Variants in CNTNAP5 observed in about 807,000 individuals in gnomAD.
CNTNAP5 encodes contactin associated protein family member 5.
In CNTNAP5, 72 loss-of-function variants were observed where a neutral mutation model predicts 150.2. The ratio of observed to expected loss-of-function variants is 0.48; its 90% CI spans 0.40 to 0.58. The LOEUF (loss-of-function observed/expected upper bound fraction) is 0.58. Among genes scored for constraint, CNTNAP5 ranks in the 20% least tolerant of loss-of-function variants. The probability of loss-of-function intolerance (pLI) is 0.00; values close to 1 mark genes in which losing one functional copy is unlikely to be tolerated. For synonymous variants in CNTNAP5, 672 were observed against 619.8 expected (o/e 1.08, Z -1.25); for missense variants, 1,636 against 1,626.2 (o/e 1.01, Z -0.10).
intron 16 of CNTNAP5, among the ~76,000 whole-genome samples, chr2:124,769,740 C>T (rs571062044): frequency 1.3e-5 from 2 of 152,148 alleles, no homozygotes; most frequent in Admixed American, 6.5e-5. Flanking sequence ...GAGGTTTTAT[C>T]GCAGGAATAA....
rs144314344 is a variant in CNTNAP5, at chr2:124,479,853, C to T, written c.1062+4971C>T. 1.1e-3 allele frequency among the ~76,000 whole-genome samples: 171 copies of T among 152,172 alleles called. 2 individuals carry two copies. The South Asian group carries it at 0.011, about 10-fold the overall frequency. On this transcript the variant is annotated intron_variant, in intron 7 of 23. Transcript: ENST00000682447. ...CAGCTATGGGATCTTGAGAAAGTTA[C>T]GAAACTTCAGTACCCTCATACATAA... is the stretch of plus-strand genomic sequence containing the variant.
At chr2:124,548,872 G>A (rs920093835) in intron 10 of CNTNAP5, among the ~76,000 whole-genome samples, 1 of 152,174 alleles carries the variant, frequency 6.6e-6, no homozygotes, top group African/African-American at 2.4e-5. Flanking sequence ...CACAGAGCTA[G>A]AAACTGGAGG....
At chr2:124,629,956 C>T (rs1177486308) in intron 12 of CNTNAP5, among the ~76,000 whole-genome samples, 1 of 66,928 alleles carries the variant, frequency 1.5e-5, no homozygotes, top group East Asian at 3.2e-4. Context: ...AAAAAAAAAA[C>T]TGGAAAACCT....
chr2:124,124,478 GA>G (rs1241110913), intron 1 of CNTNAP5, among the ~76,000 whole-genome samples: 2 of 152,142 alleles, frequency 1.3e-5, no homozygotes, highest in African/African-American at 4.8e-5. Flanking sequence ...AACCAAGTTG[GA>G]AAACACTCTG....
chr2:124,762,324 AAT>A (rs771513549), intron 14 of CNTNAP5, among the ~76,000 whole-genome samples: 7 of 152,150 alleles, frequency 4.6e-5, no homozygotes, highest in Admixed American at 1.3e-4. Flanking sequence ...AAGATGAATT[AAT>A]ATGTTTTTCT....
chr2:124,096,472 G>C (rs1017142126), intron 1 of CNTNAP5, among the ~76,000 whole-genome samples: 1 of 151,926 alleles, frequency 6.6e-6, no homozygotes, highest in Non-Finnish European at 1.5e-5. Flanking sequence ...CCATTCTTTA[G>C]GGGACTAGAC....
At chr2:124,886,312 C>A (rs1340686664) in intron 21 of CNTNAP5, among the ~76,000 whole-genome samples, 4 of 152,004 alleles carry the variant, frequency 2.6e-5, no homozygotes, top group East Asian at 1.9e-4. Flanking sequence ...AGACTTGGGG[C>A]AAGTGGTGGA....
intron 3 of CNTNAP5, among the ~76,000 whole-genome samples, chr2:124,414,506 G>A (rs1006126717): frequency 8.6e-5 from 13 of 152,046 alleles, no homozygotes; most frequent in African/African-American, 3.1e-4. Context: ...AAATGATATG[G>A]CTCTGGGATA....
At chr2:124,368,053 T>C (rs1030790679) in intron 3 of CNTNAP5, among the ~76,000 whole-genome samples, 2 of 152,172 alleles carry the variant, frequency 1.3e-5, no homozygotes, top group Admixed American at 6.5e-5. Flanking sequence ...GTGATTTTTT[T>C]CCCATATAAG....
intron 1 of CNTNAP5, among the ~76,000 whole-genome samples, chr2:124,158,913 A>T (rs1409669809): frequency 6.6e-6 from 1 of 152,156 alleles, no homozygotes; most frequent in East Asian, 1.9e-4. Flanking sequence ...TTCACAATAG[A>T]CAGAAGGAAT....
At chr2:124,884,879 C>A (rs1455033834) in intron 21 of CNTNAP5, among the ~76,000 whole-genome samples, 4 of 151,942 alleles carry the variant, frequency 2.6e-5, no homozygotes, top group Non-Finnish European at 5.9e-5. Flanking sequence ...ATAAAGGGTA[C>A]TTTTTCGAAC....
At chr2:124,046,009 A>T (rs1573715026) in intron 1 of CNTNAP5, among the ~76,000 whole-genome samples, 1 of 152,336 alleles carries the variant, frequency 6.6e-6, no homozygotes, top group Non-Finnish European at 1.5e-5. Context: ...TCCAAAACGC[A>T]TCCATGACCC....
rs752582069 is a variant in CNTNAP5, at chr2:124,527,295, C to A, written c.1488C>A (p.Asp496Glu). Residue 496 changes from aspartate (D) to glutamate (E), a missense_variant, in exon 10 of 24, where the codon GAC (aspartate) becomes GAA (glutamate). Physicochemically the swap from Asp to Glu is conservative, Grantham distance 45 (BLOSUM62 2). Coordinates refer to ENST00000682447, the MANE Select transcript of CNTNAP5 (RefSeq NM_001367498.1). ...TTCTCTGTCCCACAGGGTGCCCCGA[C>A]AATCTCACCGATTCCCAATGTTTAA... ...GNSYYFGGCP[D>E]NLTDSQCLNP... is the part of the protein sequence containing the mutation. The A allele has an allele frequency of 4.3e-6, 7 of 1,613,138 alleles. 1 individual carries two copies. The highest frequency in any genetic ancestry group is 5.1e-6 in the Non-Finnish European group (6 of 1,179,450).
chr2:124,124,320 A>G (rs905010667), intron 1 of CNTNAP5, among the ~76,000 whole-genome samples: 8 of 152,214 alleles, frequency 5.3e-5, no homozygotes, highest in African/African-American at 1.9e-4. Flanking sequence ...CAGTGATGGA[A>G]GATCAAATGA....
At position 124,276,980 on chromosome 2, in the gene CNTNAP5, C is replaced by A. The variant is rs149108477; in HGVS notation, c.381+34587C>A. On this transcript the variant is annotated intron_variant, in intron 3 of 23. Transcript: ENST00000682447. ...AGCAAACATCAGTGGGTGGGACCAC[C>A]TCCTACCTGAAGTGGTGCAGATATT... Among the ~76,000 whole-genome samples, 50 of 152,180 alleles carry A rather than the reference C, an allele frequency of 3.3e-4. 2 individuals are homozygous for A. The East Asian group carries it at 8.3e-3, about 25-fold the overall frequency.
chr2:124,843,950 T>C (rs1426821569), intron 19 of CNTNAP5, among the ~76,000 whole-genome samples: 1 of 152,132 alleles, frequency 6.6e-6, no homozygotes, highest in African/African-American at 2.4e-5. Flanking sequence ...TCTCCCACTC[T>C]GGGTTTTCTG....
At chr2:124,615,163 G>T (rs1392411917) in intron 12 of CNTNAP5, among the ~76,000 whole-genome samples, 1 of 152,144 alleles carries the variant, frequency 6.6e-6, no homozygotes, top group Non-Finnish European at 1.5e-5. Context: ...GGTTGGGGTG[G>T]CTGCGGCAAT....
At chr2:124,177,310 A>T (rs1353804657) in intron 1 of CNTNAP5, among the ~76,000 whole-genome samples, 1 of 152,190 alleles carries the variant, frequency 6.6e-6, no homozygotes, top group African/African-American at 2.4e-5. Context: ...GGAGAAGGTC[A>T]GAGAAAATCT....
intron 3 of CNTNAP5, among the ~76,000 whole-genome samples, chr2:124,365,571 C>T (rs1183805784): frequency 6.6e-6 from 1 of 152,090 alleles, no homozygotes; most frequent in South Asian, 2.1e-4. Context: ...CCTGCATGTC[C>T]CTTTCCAATA....
Sources: allele counts gnomAD v4.1 joint callset (sites outside exome capture counted in the v4.1 genomes callset), GRCh38; gene constraint gnomAD v4.1.1; transcripts MANE v1.5; gene names NCBI Gene and HGNC (gene_info 2026-07-23, HGNC 2026-07-21).